The following CHRDL1 variants were observed in gnomAD, a reference collection of about 807,000 sequenced individuals.
CHRDL1 encodes chordin-like protein 1.
A neutral mutation model predicts 40.9 loss-of-function variants in CHRDL1; 19 were observed. That is an observed-to-expected ratio of 0.46 (90% CI 0.32 to 0.68). The LOEUF (loss-of-function observed/expected upper bound fraction) is 0.68, where lower values mean the gene tolerates loss of function less well. CHRDL1 is among the 30% of genes least tolerant of loss of function. The pLI is 0.03. For missense variants in CHRDL1, 329 were observed against 352.1 expected, an observed-to-expected ratio of 0.93 and a Z score of 0.53; for synonymous variants, 136 against 123.4, an observed-to-expected ratio of 1.10 and a Z score of -0.68.
At chrX:110,723,043 G>A (rs2070992008) in intron 4 of CHRDL1, among the ~76,000 whole-genome samples, 2 of 111,448 alleles carry the variant, frequency 1.8e-5, no homozygotes, top group South Asian at 3.8e-4. Context: ...GAGGTCAGGA[G>A]ATTGAGACCA....
chrX:110,694,431 G>C, intron 7 of CHRDL1, 100 bp from the exon 8 acceptor site: 1 of 602,620 alleles, frequency 1.7e-6, no homozygotes, highest in Non-Finnish European at 2.5e-6. Flanking sequence ...GATTTATAGT[G>C]GTGAGCTCTG....
At chrX:110,756,500 G>C (rs1179360629) in intron 4 of CHRDL1, among the ~76,000 whole-genome samples, 5 of 110,176 alleles carry the variant, frequency 4.5e-5, no homozygotes, top group Non-Finnish European at 9.4e-5. Flanking sequence ...AGTTGTAGAT[G>C]AGGCAGTTGT....
intron 2 of CHRDL1, among the ~76,000 whole-genome samples, chrX:110,772,174 A>G: frequency 8.9e-6 from 1 of 112,287 alleles, no homozygotes; most frequent in South Asian, 3.7e-4. Context: ...AATTGTTAAG[A>G]TATCAGTTCT....
chrX:110,678,727 A>G (rs1314628842), intron 11 of CHRDL1, among the ~76,000 whole-genome samples: 4 of 111,002 alleles, frequency 3.6e-5, no homozygotes, highest in Non-Finnish European at 5.7e-5. Context: ...CTGTGGATAG[A>G]AACTGTGTGC....
At chrX:110,680,396 C>CT (rs984888386) in intron 10 of CHRDL1, among the ~76,000 whole-genome samples, 36 of 111,348 alleles carry the variant, frequency 3.2e-4, no homozygotes, top group African/African-American at 1.1e-3. Flanking sequence ...GTTCAAGCAT[C>CT]TTTTTTTTAG....
intron 10 of CHRDL1, 36 bp from the exon 11 acceptor site, chrX:110,679,461 C>T: frequency 1.0e-6 from 1 of 958,179 alleles, no homozygotes; most frequent in Non-Finnish European, 1.5e-6. Flanking sequence ...AATGGTCAGG[C>T]ACTCAATCTG....
intron 4 of CHRDL1, among the ~76,000 whole-genome samples, chrX:110,730,956 C>T (rs1314516452): frequency 9.0e-6 from 1 of 111,563 alleles, no homozygotes; most frequent in African/African-American, 3.3e-5. Flanking sequence ...CCTTCGTTGC[C>T]CAGCTCTTGT....
At chrX:110,773,713 G>A (rs1450780931) in intron 2 of CHRDL1, among the ~76,000 whole-genome samples, 3 of 90,624 alleles carry the variant, frequency 3.3e-5, no homozygotes, top group African/African-American at 1.3e-4. Flanking sequence ...GGGCGACAGT[G>A]AGACTGCCTC....
At chrX:110,729,143 A>C (rs1471824280) in intron 4 of CHRDL1, among the ~76,000 whole-genome samples, 1 of 111,135 alleles carries the variant, frequency 9.0e-6, no homozygotes, top group Non-Finnish European at 1.9e-5. Context: ...AAAAACAAAA[A>C]CAAAGAAGAG....
intron 4 of CHRDL1, among the ~76,000 whole-genome samples, chrX:110,729,586 A>G (rs963209414): frequency 2.7e-5 from 3 of 111,754 alleles, no homozygotes; most frequent in Non-Finnish European, 5.6e-5. Flanking sequence ...AGATAATTAT[A>G]TTGTAACATA....
At chrX:110,690,975 C>T (rs924968886) in intron 8 of CHRDL1, among the ~76,000 whole-genome samples, 3 of 110,340 alleles carry the variant, frequency 2.7e-5, no homozygotes, top group Non-Finnish European at 5.7e-5. Context: ...TTTGGGAGGC[C>T]GAGGCAGGAA....
chrX:110,729,848 G>A (rs892205687), intron 4 of CHRDL1, among the ~76,000 whole-genome samples: 3 of 112,099 alleles, frequency 2.7e-5, no homozygotes, highest in Non-Finnish European at 5.6e-5. Context: ...TATAAAATTG[G>A]GATGATAATG....
intron 2 of CHRDL1, among the ~76,000 whole-genome samples, chrX:110,781,591 A>G (rs1264799676): frequency 1.8e-5 from 2 of 111,546 alleles, no homozygotes; most frequent in Non-Finnish European, 3.8e-5. Context: ...TGGTTGAATG[A>G]CCTACCCTTT....
At position 110,772,395 on chromosome X, in the gene CHRDL1, T is replaced by C. The variant is rs1156486015; in HGVS notation, c.95-9588A>G. On this transcript the variant is annotated intron_variant, in intron 2 of 11. Transcript: ENST00000372042. The stretch of plus-strand genomic sequence containing the variant: ...GGCTCATGCCTGTAATCCCAGCACG[T>C]TGGGAGGCTGAGGCAGGCAAATCGC... Among the ~76,000 whole-genome samples the C allele has an allele frequency of 3.5e-5, 4 of 112,975 alleles. No individual in the cohort carries two copies. In the East Asian group the frequency reaches 8.3e-4, roughly 23 times the overall value.
At position 110,795,081 on chromosome X, in the gene CHRDL1, G is replaced by A. The variant is rs753800153; in HGVS notation, c.-35+663C>T. ...ACAAACAATGCCTCGCATTTGGCTT[G>A]CAAAACACCTTTCTATCATTTCATT... On this transcript the variant is annotated intron_variant, in intron 1 of 11. Transcript: ENST00000372042. Among the ~76,000 whole-genome samples the A allele has an allele frequency of 6.2e-5, 7 of 112,407 alleles. No individual in the cohort carries two copies. In the South Asian group the frequency reaches 1.8e-3, roughly 29 times the overall value.
intron 4 of CHRDL1, among the ~76,000 whole-genome samples, chrX:110,747,040 C>T (rs1045156684): frequency 1.9e-5 from 2 of 105,639 alleles, no homozygotes; most frequent in Non-Finnish European, 3.8e-5. Context: ...CTTTATTGGC[C>T]CCCCCTGCCT....
intron 4 of CHRDL1, among the ~76,000 whole-genome samples, chrX:110,727,669 T>C (rs963129323): frequency 4.5e-5 from 5 of 112,144 alleles, no homozygotes; most frequent in African/African-American, 1.3e-4. Context: ...AAAACTGCAA[T>C]GAAATACCAT....
intron 4 of CHRDL1, among the ~76,000 whole-genome samples, chrX:110,747,600 T>A (rs1434877302): frequency 8.9e-6 from 1 of 112,191 alleles, no homozygotes. Flanking sequence ...AATGAAAATG[T>A]AATCCCACTT....
At position 110,758,088 on chromosome X, in the gene CHRDL1, G is replaced by A. The variant is rs182442846; in HGVS notation, c.301+1573C>T. ...AGGCTGTCTGACAGGCTACCTGGCA[G>A]GTTAACCAAAAAACAAAAACAAAAA... On this transcript the variant is annotated intron_variant, in intron 4 of 11. Transcript: ENST00000372042. Among the ~76,000 whole-genome samples, 8 of 105,175 alleles carry A rather than the reference G, an allele frequency of 7.6e-5. No individual in the cohort carries two copies. The East Asian group carries it at 2.1e-3, about 27-fold the overall frequency. 91.3% of individuals were successfully genotyped at this position (105,175 alleles called of 115,157 possible).
Sources: gnomAD v4.1 joint callset for allele counts (sites outside exome capture counted in the v4.1 genomes callset) on GRCh38, gnomAD v4.1.1 for gene constraint, MANE v1.5 for transcripts, NCBI Gene and HGNC (gene_info 2026-07-23, HGNC 2026-07-21) for gene names.